ZNF616: variants seen among roughly 807,000 people sequenced by gnomAD.
The protein encoded by ZNF616 is zinc finger protein 616.
ZNF616 carries 5 observed loss-of-function variants against 7.6 expected under a neutral mutation model. The ratio of observed to expected loss-of-function variants is 0.66; its 90% CI spans 0.34 to 1.38. The LOEUF is 1.38. ZNF616 is among the 40% of genes most tolerant of loss of function. The pLI, the probability that ZNF616 is intolerant of heterozygous loss-of-function variation, is 0.04. For missense variants in ZNF616, 913 were observed against 948.3 expected (o/e 0.96, Z 0.49); for synonymous variants, 319 against 317.2 (o/e 1.01, Z -0.06).
At chr19:52,117,068 A>T (rs1267763682) in intron 3 of ZNF616, 44 bp from the exon 4 acceptor site, 1 of 1,475,914 alleles carries the variant, frequency 6.8e-7, no homozygotes. Context: ...AACTACTACT[A>T]TTGATAAACA....
chr19:52,137,257 A>C (rs148797042), intron 1 of ZNF616, among the ~76,000 whole-genome samples: 2,379 of 151,566 alleles, frequency 0.016, 26 homozygotes, highest in Middle Eastern at 0.045. Context: ...TCTGTACTAA[A>C]AAAAAAATAC....
rs535617498 is a variant in ZNF616, at chr19:52,128,083, T to C, written c.12+2418A>G. 1.8e-3 allele frequency among the ~76,000 whole-genome samples: 279 copies of C among 151,896 alleles called. 9 individuals are homozygous for C. In the South Asian group the frequency reaches 0.056, roughly 31 times the overall value. On this transcript the variant is annotated intron_variant, in intron 2 of 3. Transcript: ENST00000600228. ...AAGAGTGATTGCCTCTTTAGGATGG[T>C]GCATTTCCTATTTTCCTGGATCTGG...
At chr19:52,122,322 C>T (rs12609137) in intron 3 of ZNF616, 14,471 of 151,978 alleles carry the variant, frequency 0.095, 946 homozygotes, top group South Asian at 0.27. Context: ...CCCATCTCTA[C>T]TAAAAATACA....
intron 1 of ZNF616, among the ~76,000 whole-genome samples, chr19:52,131,562 T>C (rs1281497486): frequency 6.6e-6 from 1 of 152,116 alleles, no homozygotes; most frequent in Non-Finnish European, 1.5e-5. Flanking sequence ...GGACCTGCCT[T>C]TATTGGCTTT....
rs532259973 is a variant in ZNF616, at chr19:52,119,454, T to C, written c.140-2430A>G. Among the ~76,000 whole-genome samples, 34 of 151,698 alleles carry C rather than the reference T, an allele frequency of 2.2e-4. No homozygotes were observed. The South Asian group carries it at 6.9e-3, about 31-fold the overall frequency. On this transcript the variant is annotated intron_variant, in intron 3 of 3. Coordinates refer to ENST00000600228, the MANE Select transcript of ZNF616 (RefSeq NM_178523.5). ...CATCCCTTACAGAGTGAGAGTAGTG[T>C]GGGAGATGAAGGAGTTATGCAATAA...
chr19:52,128,605 G>A (rs557428959), intron 2 of ZNF616, among the ~76,000 whole-genome samples: 44 of 152,040 alleles, frequency 2.9e-4, no homozygotes, highest in Middle Eastern at 3.4e-3. Flanking sequence ...AGCCAGGCAC[G>A]GTGGTGCATG....
At chr19:52,138,948 G>C (rs2089035803) in intron 1 of ZNF616, 1 of 152,256 alleles carries the variant, frequency 6.6e-6, no homozygotes, top group African/African-American at 2.4e-5. Flanking sequence ...CTCCTTTGCC[G>C]CCCCTCTCTA....
At chr19:52,118,741 T>C (rs986124773) in intron 3 of ZNF616, among the ~76,000 whole-genome samples, 2 of 152,234 alleles carry the variant, frequency 1.3e-5, no homozygotes, top group Non-Finnish European at 2.9e-5. Context: ...AATGTTGATA[T>C]GCTTTATTTA....
At chr19:52,137,356 G>C (rs986235957) in intron 1 of ZNF616, among the ~76,000 whole-genome samples, 2 of 151,692 alleles carry the variant, frequency 1.3e-5, no homozygotes, top group African/African-American at 4.9e-5. Context: ...CCGGGAGGCG[G>C]AGCTTGCAGT....
At chr19:52,128,513 C>T (rs145197879) in intron 2 of ZNF616, among the ~76,000 whole-genome samples, 4,491 of 152,114 alleles carry the variant, frequency 0.03, 103 homozygotes, top group South Asian at 0.048. Context: ...GAGGCCAAAG[C>T]GGGTGGATCA....
Position 52,133,112 on chromosome 19 carries a change from G to A in ZNF616, c.-76-2524C>T, listed in dbSNP as rs1019367269. Among the ~76,000 whole-genome samples, 6 of 152,316 alleles carry A rather than the reference G, an allele frequency of 3.9e-5. No homozygotes were observed. The East Asian group carries it at 9.7e-4, about 25-fold the overall frequency. On this transcript the variant is annotated intron_variant, in intron 1 of 3. Transcript: ENST00000600228. ...AAAATAAAGTTATCAGTGGAATGGT[G>A]GATATGCAAGTTTGACTGGATGCAT... is the stretch of plus-strand genomic sequence containing the variant.
In ZNF616 at chr19:52,116,525, G is replaced by A. The variant is rs2088825930; in HGVS notation, c.639C>T (p.Tyr213=). 3 of 1,614,068 alleles carry A rather than the reference G, an allele frequency of 1.9e-6. No homozygotes were observed. In the East Asian group the frequency reaches 6.7e-5, roughly 36 times the overall value. The part of the protein sequence containing the change: ...HQRIHTTEKP[Y]KCNECGKAFH... ...AGGCTTTGCCACACTCATTGCATTTGTAAGGTTTCTCTGTAGTATGTATCC... is the reference window on the plus strand; with the variant it reads ...AGGCTTTGCCACACTCATTGCATTTATAAGGTTTCTCTGTAGTATGTATCC... Residue 213 remains tyrosine (Y), a synonymous_variant, in exon 4 of 4, where the codon TAC becomes TAT. Transcript: ENST00000600228.
chr19:52,134,948 T>C (rs2088994938), intron 1 of ZNF616, among the ~76,000 whole-genome samples: 1 of 152,152 alleles, frequency 6.6e-6, no homozygotes, highest in African/African-American at 2.4e-5. Flanking sequence ...ACCACTGTCC[T>C]GGCAGCGAGA....
chr19:52,116,107 A>G lies in ZNF616; in HGVS notation c.1057T>C (p.Tyr353His), dbSNP rs2088819430. The change falls in exon 4 of 4, where the codon TAT becomes CAT. Residue 353 changes from tyrosine (Y) to histidine (H), a missense_variant. Physicochemically the swap from Tyr to His is moderately conservative, Grantham distance 83. Coordinates refer to ENST00000600228, the MANE Select transcript of ZNF616 (RefSeq NM_178523.5). ...GCCTTGCCACATACATCACATTTAT[A>G]TGGTTTCTTTCCTGCATGGATTACC... ...HQVIHAGKKP[Y>H]KCDVCGKAFR... 6.2e-7 allele frequency: 1 copy of G among 1,614,176 alleles called. No individual in the cohort carries two copies. The highest frequency in any genetic ancestry group is 2.2e-5 in the East Asian group (1 of 44,878).
chr19:52,137,069 A>ATATACAGAGTGTGT (rs1235681808), intron 1 of ZNF616, among the ~76,000 whole-genome samples: 68 of 150,140 alleles, frequency 4.5e-4, no homozygotes, highest in Non-Finnish European at 1.0e-4. Flanking sequence ...ATATATATAT[A>ATATACAGAGTGTGT]TATATACAGA....
intron 1 of ZNF616, among the ~76,000 whole-genome samples, chr19:52,132,359 A>G (rs554329630): frequency 6.6e-6 from 1 of 152,076 alleles, no homozygotes; most frequent in Non-Finnish European, 1.5e-5. Context: ...ACAGAATTCT[A>G]GAGTTCAGGG....
intron 2 of ZNF616, among the ~76,000 whole-genome samples, chr19:52,129,806 T>C (rs569701300): frequency 6.6e-6 from 1 of 151,298 alleles, no homozygotes; most frequent in Non-Finnish European, 1.5e-5. Flanking sequence ...TTTTTGAGGA[T>C]GAAGTCTTGC....
At chr19:52,131,648 T>C (rs369661685) in intron 1 of ZNF616, among the ~76,000 whole-genome samples, 96 of 152,022 alleles carry the variant, frequency 6.3e-4, no homozygotes, top group Non-Finnish European at 1.3e-3. Flanking sequence ...GGGGAGGAGG[T>C]TGGCTTCATA....
rs2088791447 is a variant in ZNF616 at position 52,113,830 on chromosome 19, T to C, written c.*988A>G. ...TGGCTGCATAGTATCCCATGGTGTA[T>C]ATGTACCACATTTTCTTTATTCAGT... On this transcript the variant is annotated 3_prime_UTR_variant, in exon 4 of 4. Transcript: ENST00000600228. The C allele has an allele frequency of 6.7e-6, 1 of 149,738 alleles. No homozygotes were observed. Among genetic ancestry groups the C allele is most frequent in the South Asian group, 2.1e-4 (1 of 4,830 alleles). 9.3% of individuals were successfully genotyped at this position (149,738 alleles called of 1,614,324 possible). A position where few individuals can be genotyped will look rare whatever the true frequency, so the allele number is the denominator to read the frequency against.
Sources: gnomAD v4.1 joint callset for allele counts (sites outside exome capture counted in the v4.1 genomes callset) on GRCh38, gnomAD v4.1.1 for gene constraint, MANE v1.5 for transcripts, NCBI Gene and HGNC (gene_info 2026-07-23, HGNC 2026-07-21) for gene names.